Variants in SYT2 observed in about 807,000 individuals in gnomAD.
SYT2 encodes synaptotagmin-2.
SYT2 carries 15 observed loss-of-function variants against 39.9 expected under a neutral mutation model. The ratio of observed to expected loss-of-function variants is 0.38; its 90% CI spans 0.25 to 0.58. The LOEUF (loss-of-function observed/expected upper bound fraction) is 0.58, where lower values mean the gene tolerates loss of function less well. Among genes scored for constraint, SYT2 ranks in the 20% least tolerant of loss-of-function variants. The pLI, the probability that SYT2 is intolerant of heterozygous loss-of-function variation, is 0.70. For synonymous variants in SYT2, 181 were observed against 204.5 expected (o/e 0.89, Z 0.98); for missense variants, 389 against 530.3 (o/e 0.73, Z 2.62).
At chr1:202,670,972 C>T (rs1265229267) in intron 1 of SYT2, among the ~76,000 whole-genome samples, 1 of 152,230 alleles carries the variant, frequency 6.6e-6, no homozygotes, top group African/African-American at 2.4e-5. Context: ...GCTGGGTCAG[C>T]TGGGCCTGAG....
At chr1:202,651,042 A>G (rs12728991) in intron 1 of SYT2, among the ~76,000 whole-genome samples, 68,724 of 151,932 alleles carry the variant, frequency 0.45, 17,012 homozygotes, top group East Asian at 0.8. Context: ...CTTGCAAGCC[A>G]GGCTAAGGGT....
intron 1 of SYT2, among the ~76,000 whole-genome samples, chr1:202,678,273 CAAAAAA>C (rs773123862): frequency 0.033 from 997 of 30,596 alleles, 4 homozygotes; most frequent in South Asian, 0.09. Flanking sequence ...GACTCTGTCT[CAAAAAA>C]AAAAAAAAAA....
chr1:202,629,212 C>T (rs1212235283), intron 1 of SYT2, among the ~76,000 whole-genome samples: 9 of 152,198 alleles, frequency 5.9e-5, no homozygotes, highest in Non-Finnish European at 1.3e-4. Flanking sequence ...TCCTTCTACC[C>T]ATGCCTTTAG....
rs79797100 is a variant in SYT2, at chr1:202,622,740, G to A, written c.-17-16951C>T. On this transcript the variant is annotated intron_variant, in intron 1 of 8. Transcript: ENST00000367268. Reference sequence around the variant, plus strand: ...TGATCAAAGGTGAAGTTTCCTGAGTGAGGCTCTGTAAACCTGCAGCACCTC... The same window carrying A: ...TGATCAAAGGTGAAGTTTCCTGAGTAAGGCTCTGTAAACCTGCAGCACCTC... 8.2e-3 allele frequency among the ~76,000 whole-genome samples: 1,246 copies of A among 152,236 alleles called. 21 individuals carry two copies. The highest frequency in any genetic ancestry group is 0.063 in the East Asian group (328 of 5,176).
At chr1:202,677,160 C>CCA (rs1427967836) in intron 1 of SYT2, among the ~76,000 whole-genome samples, 2 of 152,128 alleles carry the variant, frequency 1.3e-5, no homozygotes, top group Non-Finnish European at 2.9e-5. Flanking sequence ...CATAAGTTAC[C>CCA]CAGTCTCAGG....
At chr1:202,675,096 C>T (rs1653330566) in intron 1 of SYT2, among the ~76,000 whole-genome samples, 1 of 152,046 alleles carries the variant, frequency 6.6e-6, no homozygotes, top group Non-Finnish European at 1.5e-5. Context: ...CAGGAGGGCC[C>T]AGTAGTTAAC....
chr1:202,703,883 A>G (rs1209315167), intron 1 of SYT2, among the ~76,000 whole-genome samples: 1 of 152,232 alleles, frequency 6.6e-6, no homozygotes, highest in Non-Finnish European at 1.5e-5. Context: ...ATGGAATAGT[A>G]ATGGGTAAAT....
intron 1 of SYT2, among the ~76,000 whole-genome samples, chr1:202,652,833 A>G (rs1692216575): frequency 6.6e-6 from 1 of 151,300 alleles, no homozygotes; most frequent in Non-Finnish European, 1.5e-5. Context: ...TCTGAGCTCC[A>G]GATGAGCTCC....
At chr1:202,629,879 G>T (rs1421273082) in intron 1 of SYT2, among the ~76,000 whole-genome samples, 1 of 97,362 alleles carries the variant, frequency 1.0e-5, no homozygotes, top group Non-Finnish European at 2.0e-5. Flanking sequence ...GGGGGGGGGG[G>T]GTGGTACGGC....
At chr1:202,643,785 C>T (rs900952245) in intron 1 of SYT2, among the ~76,000 whole-genome samples, 4 of 152,162 alleles carry the variant, frequency 2.6e-5, no homozygotes, top group Middle Eastern at 3.4e-3. Context: ...AGGGCGGGGC[C>T]GGCTCCGAGC....
At chr1:202,621,282 T>G (rs891482261) in intron 1 of SYT2, among the ~76,000 whole-genome samples, 9 of 151,366 alleles carry the variant, frequency 5.9e-5, no homozygotes, top group African/African-American at 1.9e-4. Flanking sequence ...ATGAGGGGGG[T>G]TTGTGTGTTT....
chr1:202,621,261 G>A (rs1223492442), intron 1 of SYT2, among the ~76,000 whole-genome samples: 1 of 152,124 alleles, frequency 6.6e-6, no homozygotes, highest in African/African-American at 2.4e-5. Context: ...GCCTTGCAAA[G>A]GAGAAAACAA....
chr1:202,624,767 G>GTTTGTC (rs1225784777), intron 1 of SYT2, among the ~76,000 whole-genome samples: 26 of 21,828 alleles, frequency 1.2e-3, no homozygotes, highest in South Asian at 2.4e-3. Context: ...TGTGTGTGTG[G>GTTTGTC]TGTGTGGTGT....
rs556036894 is a variant in SYT2 at position 202,644,729 on chromosome 1, T to TGC, written c.-17-38941_-17-38940insGC. 2.0e-3 allele frequency among the ~76,000 whole-genome samples: 298 copies of TGC among 150,760 alleles called. 2 individuals are homozygous for TGC. The highest frequency in any genetic ancestry group is 6.9e-3 in the African/African-American group (280 of 40,620). On this transcript the variant is annotated intron_variant, in intron 1 of 8. Coordinates refer to ENST00000367268, the MANE Select transcript of SYT2 (RefSeq NM_177402.5). ...ACAAAAATCCAGTGTGCATGTGTGT[T>TGC]GGGGGGGGCAGTCACTCAGGGCTTT...
chr1:202,656,220 G>A (rs1692275293), intron 1 of SYT2, among the ~76,000 whole-genome samples: 1 of 152,186 alleles, frequency 6.6e-6, no homozygotes, highest in African/African-American at 2.4e-5. Flanking sequence ...AGTCAGTCAC[G>A]GAGCATCAGC....
chr1:202,664,510 G>A (rs1341228798), intron 1 of SYT2, among the ~76,000 whole-genome samples: 1 of 152,120 alleles, frequency 6.6e-6, no homozygotes, highest in Non-Finnish European at 1.5e-5. Flanking sequence ...TCACCTTCAA[G>A]CATTTCCTTG....
rs747217113 is a variant in SYT2, at chr1:202,614,471, TTCAC to T, written c.-17-8686_-17-8683del. ...CAGATGTGAGAGACACATTCATTCA[TTCAC>T]TCACTCACTCAAGTATTTACTGAGC... On this transcript the variant is annotated intron_variant, in intron 1 of 8. Coordinates refer to ENST00000367268, the MANE Select transcript of SYT2 (RefSeq NM_177402.5). The surrounding 1 kb of genome is among the most constrained non-coding windows in gnomAD (Gnocchi z 4.0). 1.2e-4 allele frequency among the ~76,000 whole-genome samples: 18 copies of T among 152,232 alleles called. No individual in the cohort carries two copies. Among genetic ancestry groups the T allele is most frequent in the Non-Finnish European group, 2.4e-4 (16 of 68,042 alleles).
At chr1:202,660,573 G>C (rs1374893831) in intron 1 of SYT2, among the ~76,000 whole-genome samples, 1 of 152,234 alleles carries the variant, frequency 6.6e-6, no homozygotes, top group East Asian at 1.9e-4. Context: ...AGCAAGCTCA[G>C]TTCTGGTGCT....
At chr1:202,677,629 T>C (rs900750090) in intron 1 of SYT2, among the ~76,000 whole-genome samples, 1 of 152,196 alleles carries the variant, frequency 6.6e-6, no homozygotes, top group Non-Finnish European at 1.5e-5. Flanking sequence ...GGAACAGAGA[T>C]GAACCATCCC....
Sources: allele counts gnomAD v4.1 joint callset (sites outside exome capture counted in the v4.1 genomes callset), GRCh38; gene constraint gnomAD v4.1.1; non-coding constraint Gnocchi (gnomAD v3.1); transcripts MANE v1.5; gene names NCBI Gene and HGNC (gene_info 2026-07-23, HGNC 2026-07-21).